Variants in OR2L13 observed in about 807,000 individuals in gnomAD.
OR2L13 encodes the protein olfactory receptor 2L13.
OR2L13 carries 14 observed loss-of-function variants against 15.3 expected under a neutral mutation model. The observed-to-expected ratio is 0.91, with a 90% CI of 0.60 to 1.43. OR2L13 has a LOEUF of 1.43. Among genes scored for constraint, OR2L13 ranks in the 40% most tolerant of loss-of-function variants. The pLI is 0.00. For synonymous variants in OR2L13, 152 were observed against 142.9 expected, an observed-to-expected ratio of 1.06 and a Z score of -0.45; for missense variants, 367 against 387.9, an observed-to-expected ratio of 0.95 and a Z score of 0.45.
the OR2L13 span, among the ~76,000 whole-genome samples, chr1:248,089,213 A>G: frequency 6.6e-6 from 1 of 152,190 alleles, no homozygotes; most frequent in Non-Finnish European, 1.5e-5. Context: ...TTTATTATAA[A>G]GGACGCAAAT....
At chr1:247,975,609 G>A in the OR2L13 span, 8 of 1,313,916 alleles carry the variant, frequency 6.1e-6, no homozygotes, top group East Asian at 1.6e-4. Context: ...ACAGGGAGGT[G>A]ATGGGGGCCC....
chr1:247,959,560 C>G, the OR2L13 span, among the ~76,000 whole-genome samples: 12 of 151,718 alleles, frequency 7.9e-5, no homozygotes, highest in Non-Finnish European at 1.6e-4. Context: ...TTCCATTCTC[C>G]TCGTCACTTT....
At chr1:248,079,365 G>T in the OR2L13 span, among the ~76,000 whole-genome samples, 1 of 152,066 alleles carries the variant, frequency 6.6e-6, no homozygotes, top group Non-Finnish European at 1.5e-5. Flanking sequence ...TTTAAGTTAT[G>T]ATTTTTCCCT....
chr1:247,982,527 G>A, the OR2L13 span, among the ~76,000 whole-genome samples: 8 of 152,148 alleles, frequency 5.3e-5, no homozygotes, highest in African/African-American at 4.8e-5. Flanking sequence ...CATTTGAAAC[G>A]TGGGCACTGT....
chr1:248,053,572 C>T, the OR2L13 span, among the ~76,000 whole-genome samples: 34 of 152,330 alleles, frequency 2.2e-4, no homozygotes, highest in African/African-American at 7.7e-4. Context: ...TTCCCACCAA[C>T]AGTGTGAAAG....
At chr1:248,083,523 T>C in the OR2L13 span, 198 of 808,872 alleles carry the variant, frequency 2.4e-4, 1 homozygote, top group Admixed American at 4.5e-3. Flanking sequence ...AAATATCTTA[T>C]TATATCAATG....
chr1:248,070,497 G>A, the OR2L13 span, among the ~76,000 whole-genome samples: 1 of 152,106 alleles, frequency 6.6e-6, no homozygotes. Flanking sequence ...GAAATTAATA[G>A]CACTAAATGC....
chr1:248,027,462 T>C, the OR2L13 span, among the ~76,000 whole-genome samples: 1 of 152,138 alleles, frequency 6.6e-6, no homozygotes, highest in African/African-American at 2.4e-5. Context: ...TTTGTACACT[T>C]CCTCCCCTTT....
chr1:248,005,613 A>C, the OR2L13 span, among the ~76,000 whole-genome samples: 1 of 152,142 alleles, frequency 6.6e-6, no homozygotes, highest in Admixed American at 6.5e-5. Context: ...TAGACATTGC[A>C]TTGAATCTGT....
chr1:247,977,393 T>G, the OR2L13 span, among the ~76,000 whole-genome samples: 1 of 152,188 alleles, frequency 6.6e-6, no homozygotes. Context: ...AAACATATTT[T>G]ACTACATATA....
the OR2L13 span, among the ~76,000 whole-genome samples, chr1:248,017,145 A>G: frequency 2.6e-5 from 4 of 152,184 alleles, no homozygotes; most frequent in Non-Finnish European, 5.9e-5. Flanking sequence ...ATGCCCAGGT[A>G]TATACATTTT....
At chr1:247,987,637 A>C in the OR2L13 span, among the ~76,000 whole-genome samples, 5 of 152,208 alleles carry the variant, frequency 3.3e-5, no homozygotes, top group South Asian at 1.0e-3. Context: ...AGGACTTCAA[A>C]ATTTCTTACC....
chr1:247,996,056 C>T, the OR2L13 span, among the ~76,000 whole-genome samples: 1 of 152,184 alleles, frequency 6.6e-6, no homozygotes, highest in African/African-American at 2.4e-5. Context: ...ATGCCATCCC[C>T]AAGCATCTCC....
the OR2L13 span, chr1:248,003,325 C>A: frequency 6.3e-7 from 1 of 1,592,532 alleles, no homozygotes; most frequent in South Asian, 1.1e-5. Context: ...TTAGTCAGCT[C>A]TCCCTCATTG....
the OR2L13 span, among the ~76,000 whole-genome samples, chr1:248,010,763 G>GTTTTTTTTTTTTTTTTT: frequency 3.3e-3 from 146 of 44,480 alleles, 6 homozygotes; most frequent in Non-Finnish European, 4.0e-3. Context: ...CTTTGTTGTT[G>GTTTTTTTTTTTTTTTTT]TTTTTTTTTT....
chr1:248,002,881 A>G, the OR2L13 span, among the ~76,000 whole-genome samples: 10 of 151,130 alleles, frequency 6.6e-5, no homozygotes, highest in Admixed American at 3.9e-4. Context: ...GTTATGGTGG[A>G]TTCCCCCCTT....
the OR2L13 span, among the ~76,000 whole-genome samples, chr1:248,015,321 G>C: frequency 2.0e-5 from 3 of 152,166 alleles, no homozygotes; most frequent in African/African-American, 7.2e-5. Context: ...TCTCCTGTAG[G>C]ATTCCATGCC....
chr1:248,023,147 A>G, the OR2L13 span: 3 of 265,494 alleles, frequency 1.1e-5, no homozygotes, highest in African/African-American at 6.6e-5. Flanking sequence ...TCATGTATAA[A>G]TCAAAACAAT....
the OR2L13 span, chr1:248,083,951 G>C: frequency 1.2e-6 from 2 of 1,611,714 alleles, no homozygotes; most frequent in Non-Finnish European, 1.7e-6. Context: ...TGAGACCATA[G>C]GAGGACAGGA....
Sources: allele counts gnomAD v4.1 joint callset (sites outside exome capture counted in the v4.1 genomes callset), GRCh38; gene constraint gnomAD v4.1.1; transcripts MANE v1.5; gene names NCBI Gene and HGNC (gene_info 2026-07-23, HGNC 2026-07-21).